The following MINDY3 variants were observed in gnomAD, a reference collection of about 807,000 sequenced individuals.
MINDY3 encodes the protein ubiquitin carboxyl-terminal hydrolase MINDY-3.
In MINDY3, 38 loss-of-function variants were observed where a neutral mutation model predicts 69.2. The observed-to-expected ratio is 0.55, with a 90% CI of 0.42 to 0.72. The LOEUF (loss-of-function observed/expected upper bound fraction) is 0.72. MINDY3 is among the 30% of genes least tolerant of loss of function. The probability of loss-of-function intolerance (pLI) is 0.00; values close to 1 mark genes in which losing one functional copy is unlikely to be tolerated. For missense variants in MINDY3, 522 were observed against 519.0 expected (o/e 1.01, Z -0.06); for synonymous variants, 192 against 180.1 (o/e 1.07, Z -0.53).
intron 4 of MINDY3, among the ~76,000 whole-genome samples, chr10:15,839,095 A>C (rs1455170370): frequency 6.6e-6 from 1 of 151,734 alleles, no homozygotes; most frequent in Non-Finnish European, 1.5e-5. Flanking sequence ...ATAACTTCAC[A>C]TATATTTCAT....
chr10:15,820,004 T>G (rs891587481), intron 9 of MINDY3, among the ~76,000 whole-genome samples: 1 of 152,164 alleles, frequency 6.6e-6, no homozygotes, highest in Non-Finnish European at 1.5e-5. Context: ...ACCTGGCACT[T>G]AATATGTACC....
At chr10:15,859,526 T>G (rs1288587563) in intron 1 of MINDY3, among the ~76,000 whole-genome samples, 3 of 152,162 alleles carry the variant, frequency 2.0e-5, no homozygotes, top group Non-Finnish European at 2.9e-5. Context: ...ATTTCATTAT[T>G]ATTTGTACTA....
At chr10:15,822,559 T>TG (rs1165718338) in intron 8 of MINDY3, among the ~76,000 whole-genome samples, 1 of 152,176 alleles carries the variant, frequency 6.6e-6, no homozygotes, top group Non-Finnish European at 1.5e-5. Flanking sequence ...GTTTCTGGTC[T>TG]GGGGGGACAT....
chr10:15,797,969 C>A (rs1230137167), intron 10 of MINDY3, among the ~76,000 whole-genome samples: 2 of 152,200 alleles, frequency 1.3e-5, no homozygotes, highest in East Asian at 3.9e-4. Context: ...ACACCATAAC[C>A]TTTGAAATTC....
intron 14 of MINDY3, 92 bp from the exon 15 acceptor site, chr10:15,779,233 G>A: frequency 3.8e-6 from 4 of 1,063,200 alleles, no homozygotes; most frequent in South Asian, 4.6e-5. Context: ...TAGCAAATAA[G>A]GTATTACATA....
intron 10 of MINDY3, among the ~76,000 whole-genome samples, chr10:15,800,517 T>G (rs970400284): frequency 2.6e-5 from 4 of 152,116 alleles, no homozygotes; most frequent in Non-Finnish European, 4.4e-5. Flanking sequence ...TCCAGTGAGT[T>G]CCACATCACA....
chr10:15,781,533 T>A (rs1836530834), intron 14 of MINDY3, among the ~76,000 whole-genome samples: 1 of 152,064 alleles, frequency 6.6e-6, no homozygotes, highest in Admixed American at 6.6e-5. Flanking sequence ...TGAGTACACC[T>A]GGCAGTGAAT....
chr10:15,844,840 G>GT (rs1486999425), intron 2 of MINDY3, among the ~76,000 whole-genome samples: 17 of 152,128 alleles, frequency 1.1e-4, no homozygotes, highest in Non-Finnish European at 1.5e-5. Flanking sequence ...ATGACAAAAA[G>GT]TAAGAAATAG....
rs753869492 is a variant in MINDY3 at position 15,834,544 on chromosome 10, T to C, written c.649A>G (p.Ser217Gly). The change falls in exon 7 of 15, where the codon AGC becomes GGC. Residue 217 changes from serine (S) to glycine (G), a missense_variant and splice_region_variant. Ser to Gly is a moderately conservative substitution (Grantham distance 56). Coordinates refer to ENST00000277632, the MANE Select transcript of MINDY3 (RefSeq NM_024948.4). ...AGACAAGAGATTTTAGTTAATTACC[T>C]GCCATGTCCATATACAGGATCTATC... ...PLIDPVYGHG[S>G]QSLINLLLTG... 3 of 1,605,790 alleles carry C rather than the reference T, an allele frequency of 1.9e-6. No homozygotes were observed. The highest frequency in any genetic ancestry group is 3.3e-4 in the Middle Eastern group (2 of 6,012).
At chr10:15,858,987 T>C (rs1024799853) in intron 1 of MINDY3, among the ~76,000 whole-genome samples, 11 of 152,128 alleles carry the variant, frequency 7.2e-5, no homozygotes, top group Admixed American at 1.3e-4. Context: ...CAAAGGAAGA[T>C]AATGAAAACA....
chr10:15,797,786 G>A (rs560582284), intron 10 of MINDY3, among the ~76,000 whole-genome samples: 2 of 152,158 alleles, frequency 1.3e-5, no homozygotes, highest in Admixed American at 6.5e-5. Flanking sequence ...TCAGATTTAG[G>A]GAGCAATTGC....
chr10:15,819,592 C>A (rs1363652174), intron 9 of MINDY3, among the ~76,000 whole-genome samples: 3 of 152,120 alleles, frequency 2.0e-5, no homozygotes, highest in Non-Finnish European at 4.4e-5. Context: ...ATCTAGCTGA[C>A]CCCATCCTAC....
At chr10:15,811,435 G>A (rs1006979964) in intron 10 of MINDY3, among the ~76,000 whole-genome samples, 1 of 152,030 alleles carries the variant, frequency 6.6e-6, no homozygotes, top group East Asian at 1.9e-4. Flanking sequence ...TGCCATCACA[G>A]TATTTTCAGT....
Position 15,778,956 on chromosome 10 carries a change from T to C in MINDY3, c.*36A>G, listed in dbSNP as rs906570426. 1.9e-6 allele frequency: 3 copies of C among 1,585,568 alleles called. 1 individual carries two copies. In the Admixed American group the frequency reaches 5.1e-5, roughly 27 times the overall value. On this transcript the variant is annotated 3_prime_UTR_variant, in exon 15 of 15. Transcript: ENST00000277632. ...AGTCTTGACTCCTTCTTTCAACATC[T>C]GTTATTAAGATCTTCCTTATAAATA...
At chr10:15,836,251 C>G (rs980727560) in intron 6 of MINDY3, among the ~76,000 whole-genome samples, 6 of 151,974 alleles carry the variant, frequency 3.9e-5, no homozygotes, top group African/African-American at 1.4e-4. Flanking sequence ...AAAATGTCCT[C>G]CAGCTTTCCC....
chr10:15,782,440 A>T, intron 13 of MINDY3: 1 of 490,000 alleles, frequency 2.0e-6, no homozygotes, highest in Admixed American at 3.9e-5. Context: ...AAAGTAGGGA[A>T]GGTTGATTTC....
intron 10 of MINDY3, among the ~76,000 whole-genome samples, chr10:15,808,499 G>A (rs577070297): frequency 1.3e-5 from 2 of 152,106 alleles, no homozygotes; most frequent in Admixed American, 1.3e-4. Context: ...ACAGTTCACC[G>A]CAGTGTTTTT....
chr10:15,841,125 C>T (rs1833436779), intron 4 of MINDY3, among the ~76,000 whole-genome samples: 1 of 151,176 alleles, frequency 6.6e-6, no homozygotes, highest in South Asian at 2.1e-4. Context: ...GAAACTGAAG[C>T]ATATCATTAT....
intron 10 of MINDY3, among the ~76,000 whole-genome samples, chr10:15,811,580 A>G (rs1169568221): frequency 6.6e-6 from 1 of 152,190 alleles, no homozygotes; most frequent in Non-Finnish European, 1.5e-5. Context: ...TTTGAATGTC[A>G]CTGATTAACA....
Sources: allele counts gnomAD v4.1 joint callset (sites outside exome capture counted in the v4.1 genomes callset), GRCh38; gene constraint gnomAD v4.1.1; transcripts MANE v1.5; gene names NCBI Gene and HGNC (gene_info 2026-07-23, HGNC 2026-07-21).